TDRD3: variants seen among roughly 807,000 people sequenced by gnomAD.
TDRD3 encodes tudor domain-containing protein 3.
A neutral mutation model predicts 86.7 loss-of-function variants in TDRD3; 45 were observed. The observed-to-expected ratio is 0.52, with a 90% CI of 0.41 to 0.67. The LOEUF (loss-of-function observed/expected upper bound fraction) is 0.67, where lower values mean the gene tolerates loss of function less well. Ranked by LOEUF, TDRD3 falls within the 30% of genes least tolerant of loss-of-function variation. The pLI is 0.00. For synonymous variants in TDRD3, 298 were observed against 301.7 expected (o/e 0.99, Z 0.13); for missense variants, 814 against 889.0 (o/e 0.92, Z 1.07).
At chr13:60,511,167 T>C (rs1389015694) in intron 10 of TDRD3, among the ~76,000 whole-genome samples, 1 of 152,232 alleles carries the variant, frequency 6.6e-6, no homozygotes, top group African/African-American at 2.4e-5. Context: ...CACAATGTGG[T>C]ATATTTTTTA....
At chr13:60,428,642 T>A (rs1264279101) in intron 1 of TDRD3, among the ~76,000 whole-genome samples, 4 of 152,118 alleles carry the variant, frequency 2.6e-5, no homozygotes, top group Non-Finnish European at 1.5e-5. Flanking sequence ...GAAAAGTGAT[T>A]TTTAGGGGAA....
chr13:60,464,151 G>A lies in TDRD3; in HGVS notation c.354-3087G>A, dbSNP rs573674722. 1.2e-4 allele frequency among the ~76,000 whole-genome samples: 18 copies of A among 152,250 alleles called. 1 individual carries two copies. Among genetic ancestry groups the A allele is most frequent in the African/African-American group, 4.1e-4 (17 of 41,568 alleles). On this transcript the variant is annotated intron_variant, in intron 4 of 13. Transcript: ENST00000377881. ...CAGAATTGGATGCTGATGCCATGCT[G>A]CTTGTACAGTCTGCAGAACTATGAG...
chr13:60,415,473 A>C (rs533400178), intron 1 of TDRD3, among the ~76,000 whole-genome samples: 2 of 152,140 alleles, frequency 1.3e-5, no homozygotes, highest in Non-Finnish European at 2.9e-5. Context: ...TAATAAGCAA[A>C]CATACTCATT....
intron 5 of TDRD3, 84 bp downstream of exon 5, chr13:60,467,463 T>G: frequency 2.0e-6 from 3 of 1,494,154 alleles, no homozygotes; most frequent in Non-Finnish European, 2.7e-6. Context: ...ATGAGTAAAA[T>G]TAGTTCTTTG....
intron 3 of TDRD3, among the ~76,000 whole-genome samples, chr13:60,447,519 C>G (rs945153512): frequency 6.6e-6 from 1 of 152,116 alleles, no homozygotes; most frequent in Non-Finnish European, 1.5e-5. Flanking sequence ...GTATTTTTAT[C>G]TTGAAAGTCT....
intron 3 of TDRD3, among the ~76,000 whole-genome samples, chr13:60,450,748 A>G (rs1313361801): frequency 6.6e-6 from 1 of 152,164 alleles, no homozygotes; most frequent in African/African-American, 2.4e-5. Context: ...AGATTGAGAA[A>G]CCAGCCGTGT....
chr13:60,506,586 A>G (rs569215089), intron 8 of TDRD3, among the ~76,000 whole-genome samples: 5 of 152,210 alleles, frequency 3.3e-5, no homozygotes, highest in African/African-American at 4.8e-5. Context: ...GTGAAAGCCC[A>G]TCTCTACTAA....
At chr13:60,408,338 G>A (rs932521668) in intron 1 of TDRD3, among the ~76,000 whole-genome samples, 5 of 152,200 alleles carry the variant, frequency 3.3e-5, no homozygotes, top group African/African-American at 7.2e-5. Flanking sequence ...GTAGAGTGGG[G>A]CATTGCTGAA....
At chr13:60,567,284 C>T (rs9528162) in intron 12 of TDRD3, among the ~76,000 whole-genome samples, 62,670 of 151,842 alleles carry the variant, frequency 0.41, 13,530 homozygotes, top group South Asian at 0.54. Context: ...CTAATCTTAC[C>T]ACTATAAATG....
At chr13:60,527,243 C>T (rs1474131798) in intron 10 of TDRD3, among the ~76,000 whole-genome samples, 3 of 152,170 alleles carry the variant, frequency 2.0e-5, no homozygotes, top group African/African-American at 7.2e-5. Flanking sequence ...CTTTTGGCCT[C>T]CAGTGGCTGT....
Position 60,535,173 on chromosome 13 carries a change from C to A in TDRD3, c.2058C>A (p.Asp686Glu). The A allele has an allele frequency of 1.2e-6, 2 of 1,613,920 alleles. No individual in the cohort carries two copies. Among genetic ancestry groups the A allele is most frequent in the Non-Finnish European group, 1.7e-6 (2 of 1,179,904 alleles). Residue 686 changes from aspartate to glutamate, a missense_variant, in exon 12 of 14, where the codon GAC (aspartate) becomes GAA (glutamate). Coordinates refer to ENST00000377881, the MANE Select transcript of TDRD3 (RefSeq NM_001146070.2). ...TGACAGCAGTTGTTAAATTCATTGA[C>A]TACGGAAACTATGAAGAGGTGCTAC... ...SGMTAVVKFI[D>E]YGNYEEVLLS...
rs536206655 is a variant in TDRD3, at chr13:60,433,023, A to G, written c.42-6665A>G. ...ACCATGTACCAGTCACTGTCCAGAT[A>G]TCTTCTTATTTTTTTTGACATAGTC... On this transcript the variant is annotated intron_variant, in intron 1 of 13. Transcript: ENST00000377881. 4.3e-4 allele frequency among the ~76,000 whole-genome samples: 65 copies of G among 152,244 alleles called. 3 individuals carry two copies. In the South Asian group the frequency reaches 0.012, roughly 29 times the overall value.
chr13:60,532,593 A>G (rs1957610435), intron 11 of TDRD3, among the ~76,000 whole-genome samples: 2 of 152,194 alleles, frequency 1.3e-5, no homozygotes, highest in South Asian at 4.1e-4. Context: ...TTGTAATGAT[A>G]TTTTGGAGAT....
chr13:60,524,282 G>A (rs1957356627), intron 10 of TDRD3, among the ~76,000 whole-genome samples: 1 of 152,026 alleles, frequency 6.6e-6, no homozygotes, highest in African/African-American at 2.4e-5. Context: ...GAGGGCGGGT[G>A]GATCACTTGA....
chr13:60,418,714 C>T (rs1182488174), intron 1 of TDRD3, among the ~76,000 whole-genome samples: 1 of 152,130 alleles, frequency 6.6e-6, no homozygotes, highest in Non-Finnish European at 1.5e-5. Context: ...TTTTCATCAC[C>T]CAAGAAAGTT....
intron 1 of TDRD3, among the ~76,000 whole-genome samples, chr13:60,425,602 A>G (rs1954781443): frequency 6.6e-6 from 1 of 152,220 alleles, no homozygotes; most frequent in South Asian, 2.1e-4. Flanking sequence ...AGCTATGGAA[A>G]CAATCTAATG....
intron 12 of TDRD3, among the ~76,000 whole-genome samples, chr13:60,557,819 G>GTTTTTTTTTTTTTTTT (rs1491187240): frequency 3.3e-5 from 3 of 89,934 alleles, no homozygotes; most frequent in Non-Finnish European, 5.1e-5. Context: ...TTTTTTTCCT[G>GTTTTTTTTTTTTTTTT]ATTTTTTTTT....
chr13:60,502,850 A>G (rs1039280877), intron 8 of TDRD3, among the ~76,000 whole-genome samples: 2 of 152,216 alleles, frequency 1.3e-5, no homozygotes, highest in African/African-American at 4.8e-5. Context: ...AAGCCTTGAT[A>G]AAATAACCGG....
chr13:60,466,474 TC>T (rs538116993), intron 4 of TDRD3, among the ~76,000 whole-genome samples: 133 of 152,242 alleles, frequency 8.7e-4, no homozygotes, highest in African/African-American at 2.9e-3. Flanking sequence ...AAACCTCATT[TC>T]TTTGTCATTG....
Sources: allele counts gnomAD v4.1 joint callset (sites outside exome capture counted in the v4.1 genomes callset), GRCh38; gene constraint gnomAD v4.1.1; transcripts MANE v1.5; gene names NCBI Gene and HGNC (gene_info 2026-07-23, HGNC 2026-07-21).